Variants in CTNNA3 observed in about 807,000 individuals in gnomAD.
CTNNA3 encodes the protein catenin alpha-3.
In CTNNA3, 76 loss-of-function variants were observed where a neutral mutation model predicts 95.7. That is an observed-to-expected ratio of 0.79 (90% CI 0.66 to 0.96). The LOEUF (loss-of-function observed/expected upper bound fraction) is 0.96. Among genes scored for constraint, CTNNA3 ranks in the 40% least tolerant of loss-of-function variants. The pLI is 0.00. For missense variants in CTNNA3, 1,191 were observed against 1,089.8 expected, an observed-to-expected ratio of 1.09 and a Z score of -1.31; for synonymous variants, 431 against 374.4, an observed-to-expected ratio of 1.15 and a Z score of -1.74.
rs187078946 is a variant in CTNNA3 at position 66,257,327 on chromosome 10, A to G, written c.1884+23143T>C. On this transcript the variant is annotated intron_variant, in intron 13 of 17. Transcript: ENST00000433211. ...TGTGCCAGTCCTCCATTTTTCTCACAGGTATTGATGGAAAACCCCAAGGAG... is the reference window on the plus strand; with the variant it reads ...TGTGCCAGTCCTCCATTTTTCTCACGGGTATTGATGGAAAACCCCAAGGAG... Among the ~76,000 whole-genome samples the G allele has an allele frequency of 2.6e-5, 4 of 152,310 alleles. No homozygotes were observed. The East Asian group carries it at 7.7e-4, about 29-fold the overall frequency.
chr10:67,172,601 C>A (rs944931631), intron 7 of CTNNA3, among the ~76,000 whole-genome samples: 2 of 152,034 alleles, frequency 1.3e-5, no homozygotes, highest in Non-Finnish European at 2.9e-5. Context: ...GGTGGCCATA[C>A]CTCTCAGTTT....
rs1421217417 is a variant in CTNNA3, at chr10:66,379,364, T to C, written c.1532-12A>G. ...CAAGATATGGCTTTCTGTAAGTAAA[T>C]GAATCAAATTAGTTTTTGCGTGTGT... On this transcript the variant is annotated splice_polypyrimidine_tract_variant and intron_variant, in intron 11 of 17. Coordinates refer to ENST00000433211, the MANE Select transcript of CTNNA3 (RefSeq NM_013266.4). 9 of 1,608,484 alleles carry C rather than the reference T, an allele frequency of 5.6e-6. No individual in the cohort carries two copies. The highest frequency in any genetic ancestry group is 6.0e-6 in the Non-Finnish European group (7 of 1,175,054).
chr10:66,687,735 A>ACG (rs1491217387), intron 9 of CTNNA3, among the ~76,000 whole-genome samples: 4 of 26,222 alleles, frequency 1.5e-4, no homozygotes, highest in Non-Finnish European at 3.2e-4. Flanking sequence ...ACACACACAT[A>ACG]CACACACACA....
At chr10:66,309,416 G>T (rs933073336) in intron 12 of CTNNA3, among the ~76,000 whole-genome samples, 3 of 151,994 alleles carry the variant, frequency 2.0e-5, no homozygotes, top group Non-Finnish European at 4.4e-5. Flanking sequence ...TTCCGGGCCG[G>T]GTGCAGTGGC....
chr10:67,306,506 A>G (rs557882363), intron 5 of CTNNA3, among the ~76,000 whole-genome samples: 2 of 152,304 alleles, frequency 1.3e-5, no homozygotes, highest in South Asian at 4.1e-4. Flanking sequence ...GTAGCTAAAG[A>G]TGACATCCAG....
intron 11 of CTNNA3, among the ~76,000 whole-genome samples, chr10:66,452,021 A>G (rs2093467876): frequency 6.6e-6 from 1 of 152,028 alleles, no homozygotes; most frequent in Non-Finnish European, 1.5e-5. Flanking sequence ...CTATTTCTGA[A>G]TGGTTCCCTG....
intron 5 of CTNNA3, among the ~76,000 whole-genome samples, chr10:67,288,450 T>C (rs572568752): frequency 6.6e-6 from 1 of 152,306 alleles, no homozygotes; most frequent in East Asian, 1.9e-4. Context: ...GTTTATAAGA[T>C]GGATATCTTG....
chr10:65,981,924 G>T (rs1479017533), intron 16 of CTNNA3, among the ~76,000 whole-genome samples: 1 of 151,852 alleles, frequency 6.6e-6, no homozygotes, highest in Non-Finnish European at 1.5e-5. Context: ...AACCCTTCTA[G>T]ACACTGGTTT....
At chr10:67,274,772 G>A (rs536847056) in intron 5 of CTNNA3, among the ~76,000 whole-genome samples, 3 of 152,166 alleles carry the variant, frequency 2.0e-5, no homozygotes, top group East Asian at 1.9e-4. Context: ...AAGCCACAGT[G>A]AGCCATGATC....
chr10:66,677,235 A>G (rs1177074147), intron 9 of CTNNA3, among the ~76,000 whole-genome samples: 1 of 151,418 alleles, frequency 6.6e-6, no homozygotes, highest in Non-Finnish European at 1.5e-5. Flanking sequence ...ATTGTTCAGC[A>G]TATTATTTAA....
chr10:66,521,279 C>T (rs4396177), intron 10 of CTNNA3, among the ~76,000 whole-genome samples: 31,649 of 151,858 alleles, frequency 0.21, 4,778 homozygotes, highest in East Asian at 0.79. Context: ...AACTTTGTTA[C>T]CATAAGCTCC....
intron 1 of CTNNA3, among the ~76,000 whole-genome samples, chr10:67,710,229 G>C (rs1241181903): frequency 6.6e-6 from 1 of 152,094 alleles, no homozygotes; most frequent in Non-Finnish European, 1.5e-5. Flanking sequence ...GCACAACCTG[G>C]AATGGACTAT....
intron 5 of CTNNA3, among the ~76,000 whole-genome samples, chr10:67,361,200 C>G (rs970670535): frequency 6.6e-6 from 1 of 152,102 alleles, no homozygotes; most frequent in East Asian, 1.9e-4. Context: ...ACACCACTGA[C>G]AGCATTAGAC....
intron 12 of CTNNA3, among the ~76,000 whole-genome samples, chr10:66,360,994 T>A (rs1327925125): frequency 6.6e-6 from 1 of 150,772 alleles, no homozygotes; most frequent in Non-Finnish European, 1.5e-5. Flanking sequence ...TCTCACTCCA[T>A]CACCCCAGCT....
chr10:66,699,796 T>C (rs1375914178), intron 9 of CTNNA3, among the ~76,000 whole-genome samples: 1 of 151,930 alleles, frequency 6.6e-6, no homozygotes, highest in African/African-American at 2.4e-5. Context: ...GTAGCTGGGA[T>C]TACAGGCTTG....
chr10:67,296,697 G>A (rs1402130361), intron 5 of CTNNA3, among the ~76,000 whole-genome samples: 1 of 151,880 alleles, frequency 6.6e-6, no homozygotes, highest in African/African-American at 2.4e-5. Flanking sequence ...ACTTTGGGAG[G>A]CCGAGGCAGG....
At chr10:65,992,285 C>T (rs576394967) in intron 15 of CTNNA3, among the ~76,000 whole-genome samples, 1 of 151,966 alleles carries the variant, frequency 6.6e-6, no homozygotes, top group Non-Finnish European at 1.5e-5. Context: ...AGAATTCCCT[C>T]CTCTTCAGTT....
intron 17 of CTNNA3, among the ~76,000 whole-genome samples, chr10:65,927,641 T>C (rs2077187753): frequency 6.6e-6 from 1 of 152,238 alleles, no homozygotes; most frequent in Non-Finnish European, 1.5e-5. Flanking sequence ...GTTTATTTTA[T>C]TTATTGCTGA....
chr10:67,275,796 C>G (rs1839163502), intron 5 of CTNNA3, among the ~76,000 whole-genome samples: 2 of 152,082 alleles, frequency 1.3e-5, no homozygotes, highest in African/African-American at 4.8e-5. Flanking sequence ...CAGGTTAAAT[C>G]AACACAATTT....
Sources: gnomAD v4.1 joint callset for allele counts (sites outside exome capture counted in the v4.1 genomes callset) on GRCh38, gnomAD v4.1.1 for gene constraint, MANE v1.5 for transcripts, NCBI Gene and HGNC (gene_info 2026-07-23, HGNC 2026-07-21) for gene names.